CNTN4: variants seen among roughly 807,000 people sequenced by gnomAD.
CNTN4 encodes contactin 4.
Under a neutral mutation model 122.5 loss-of-function variants are expected in CNTN4, and 77 were observed. That is an observed-to-expected ratio of 0.63 (90% CI 0.52 to 0.76). CNTN4 has a LOEUF of 0.76. Among genes scored for constraint, CNTN4 ranks in the 30% least tolerant of loss-of-function variants. The pLI is 0.00. For missense variants in CNTN4, 1,256 were observed against 1,259.1 expected (o/e 1.00, Z 0.04); for synonymous variants, 512 against 447.0 (o/e 1.15, Z -1.83).
chr3:2,440,894 CAT>C (rs1417188714), intron 3 of CNTN4, among the ~76,000 whole-genome samples: 19 of 144,802 alleles, frequency 1.3e-4, no homozygotes, highest in Non-Finnish European at 2.5e-4. Flanking sequence ...TATATATATA[CAT>C]GTATATAACA....
chr3:3,037,234 T>C lies in CNTN4; in HGVS notation c.1998T>C (p.Pro666=), dbSNP rs1699689542. Residue 666 remains proline, a synonymous_variant, in exon 18 of 25, where the codon CCT becomes CCC. Transcript: ENST00000418658. ...CAGCGACCGTGGTGGGTTTGAACCC[T>C]TGGGTTGAATATGAATTCCGCACAG... ...TFTATVVGLN[P]WVEYEFRTVA... 1 of 1,614,038 alleles carries C rather than the reference T, an allele frequency of 6.2e-7. No individual in the cohort carries two copies. The highest frequency in any genetic ancestry group is 1.3e-5 in the African/African-American group (1 of 74,910).
intron 3 of CNTN4, among the ~76,000 whole-genome samples, chr3:2,473,624 A>T (rs1212809210): frequency 6.6e-6 from 1 of 152,208 alleles, no homozygotes; most frequent in East Asian, 1.9e-4. Context: ...CATGCCTGTC[A>T]TTGCAGAAAG....
At chr3:2,969,928 A>G (rs1341889579) in intron 13 of CNTN4, among the ~76,000 whole-genome samples, 1 of 152,140 alleles carries the variant, frequency 6.6e-6, no homozygotes, top group African/African-American at 2.4e-5. Flanking sequence ...CTGTGTAGGC[A>G]TTGAGTACGT....
intron 2 of CNTN4, among the ~76,000 whole-genome samples, chr3:2,167,084 A>G (rs1464271119): frequency 6.6e-6 from 1 of 152,192 alleles, no homozygotes; most frequent in African/African-American, 2.4e-5. Context: ...AAAAATATAT[A>G]TGCAAGTTAC....
intron 2 of CNTN4, among the ~76,000 whole-genome samples, chr3:2,104,773 C>G (rs1574830422): frequency 6.6e-6 from 1 of 152,190 alleles, no homozygotes; most frequent in Non-Finnish European, 1.5e-5. Flanking sequence ...TGGTAAATAA[C>G]TAGCCAGTCT....
intron 2 of CNTN4, among the ~76,000 whole-genome samples, chr3:2,210,879 A>G (rs749763617): frequency 3.3e-5 from 5 of 152,236 alleles, no homozygotes; most frequent in Non-Finnish European, 5.9e-5. Context: ...AGAAAAACAA[A>G]TCATGATGTT....
intron 4 of CNTN4, among the ~76,000 whole-genome samples, chr3:2,671,238 A>G (rs548656692): frequency 2.6e-5 from 4 of 152,200 alleles, no homozygotes; most frequent in African/African-American, 7.2e-5. Flanking sequence ...AAACAGACGT[A>G]GATTTGGTCT....
At chr3:2,455,850 A>T (rs565543154) in intron 3 of CNTN4, among the ~76,000 whole-genome samples, 2 of 152,200 alleles carry the variant, frequency 1.3e-5, no homozygotes, top group East Asian at 3.9e-4. Context: ...CTGTTGTATT[A>T]GTGGAGACTA....
chr3:3,040,500 G>T (rs1222450050), intron 20 of CNTN4: 20 of 563,570 alleles, frequency 3.5e-5, no homozygotes, highest in Non-Finnish European at 5.8e-5. Flanking sequence ...TGATTCCATT[G>T]CTAAGGACCA....
chr3:2,445,779 G>A lies in CNTN4; in HGVS notation c.-89+106546G>A, dbSNP rs543793023. Among the ~76,000 whole-genome samples, 6 of 152,028 alleles carry A rather than the reference G, an allele frequency of 3.9e-5. No individual in the cohort carries two copies. In the South Asian group the frequency reaches 1.2e-3, roughly 32 times the overall value. On this transcript the variant is annotated intron_variant, in intron 3 of 24. Transcript: ENST00000418658. ...CTTTTTCTTGCCATGTATTTGCCAG[G>A]CGACATATTTGATCGGAGCTTCCAG...
intron 4 of CNTN4, among the ~76,000 whole-genome samples, chr3:2,722,263 G>A (rs1372352757): frequency 6.6e-6 from 1 of 152,190 alleles, no homozygotes. Flanking sequence ...AGCCTAGAAT[G>A]TGAGCTCCTT....
At chr3:2,143,409 A>G (rs2035096078) in intron 2 of CNTN4, among the ~76,000 whole-genome samples, 1 of 152,188 alleles carries the variant, frequency 6.6e-6, no homozygotes, top group Non-Finnish European at 1.5e-5. Context: ...TTTTCACAAC[A>G]ACTAAGAATA....
rs185380474 is a variant in CNTN4, at chr3:2,549,255, G to C, written c.-88-22161G>C. Among the ~76,000 whole-genome samples, 96 of 152,264 alleles carry C rather than the reference G, an allele frequency of 6.3e-4. 1 individual carries two copies. The highest frequency in any genetic ancestry group is 1.4e-3 in the Admixed American group (21 of 15,292). ...ATACCATGTTGAATAGGAGTGGTAA[G>C]AGAGGCATCCTTGTCTTGTGCTGGT... is the stretch of plus-strand genomic sequence containing the variant. On this transcript the variant is annotated intron_variant, in intron 3 of 24. Coordinates refer to ENST00000418658, the MANE Select transcript of CNTN4 (RefSeq NM_175607.3).
chr3:2,398,006 C>T (rs966650614), intron 3 of CNTN4, among the ~76,000 whole-genome samples: 1 of 151,934 alleles, frequency 6.6e-6, no homozygotes, highest in Non-Finnish European at 1.5e-5. Context: ...GATAAAAGTA[C>T]CTTGACTATG....
chr3:2,362,812 A>C, intron 3 of CNTN4: 1 of 196,470 alleles, frequency 5.1e-6, no homozygotes, highest in Non-Finnish European at 1.0e-5. Context: ...GGAAGCTGTG[A>C]TGTTAATAAA....
intron 2 of CNTN4, among the ~76,000 whole-genome samples, chr3:2,200,471 G>C (rs73807023): frequency 2.6e-5 from 4 of 152,056 alleles, no homozygotes; most frequent in African/African-American, 9.7e-5. Context: ...TGTGTGTTGA[G>C]GGGGAGGGGT....
chr3:2,466,933 G>T (rs1010816501), intron 3 of CNTN4, among the ~76,000 whole-genome samples: 11 of 141,212 alleles, frequency 7.8e-5, no homozygotes, highest in Non-Finnish European at 1.5e-4. Context: ...TCATTTCTTC[G>T]TTAAATTAGT....
chr3:2,136,421 T>C (rs1299686372), intron 2 of CNTN4, among the ~76,000 whole-genome samples: 3 of 152,218 alleles, frequency 2.0e-5, no homozygotes, highest in Admixed American at 1.3e-4. Context: ...AACTGTCCAA[T>C]TAGTAAGTGA....
chr3:2,979,593 C>G (rs1175965562), intron 13 of CNTN4, among the ~76,000 whole-genome samples: 1 of 150,928 alleles, frequency 6.6e-6, no homozygotes, highest in Non-Finnish European at 1.5e-5. Context: ...AGAGTAGAAG[C>G]CTTTTAAGGC....
Sources: gnomAD v4.1 joint callset for allele counts (sites outside exome capture counted in the v4.1 genomes callset) on GRCh38, gnomAD v4.1.1 for gene constraint, MANE v1.5 for transcripts, NCBI Gene and HGNC (gene_info 2026-07-23, HGNC 2026-07-21) for gene names.